The following PRKN variants were observed in gnomAD, a reference collection of about 807,000 sequenced individuals.
PRKN encodes the protein parkin RBR E3 ubiquitin protein ligase, also known as E3 ubiquitin-protein ligase parkin.
In PRKN, 56 loss-of-function variants were observed where a neutral mutation model predicts 59.5. That is an observed-to-expected ratio of 0.94 (90% CI 0.76 to 1.18). The LOEUF (loss-of-function observed/expected upper bound fraction) is 1.18, where lower values mean the gene tolerates loss of function less well. Among genes scored for constraint, PRKN ranks in the 50% most tolerant of loss-of-function variants. The probability of loss-of-function intolerance (pLI) is 0.00; values close to 1 mark genes in which losing one functional copy is unlikely to be tolerated. For synonymous variants in PRKN, 250 were observed against 222.1 expected (o/e 1.13, Z -1.12); for missense variants, 657 against 596.4 (o/e 1.10, Z -1.06).
At chr6:162,040,572 A>ATTTT (rs35272845) in intron 5 of PRKN, among the ~76,000 whole-genome samples, 8 of 113,058 alleles carry the variant, frequency 7.1e-5, no homozygotes, top group Non-Finnish European at 7.2e-5. Context: ...ATGCCCGGCT[A>ATTTT]TTTTTTTTTT....
At chr6:162,187,012 AAGG>A (rs1784061293) in intron 4 of PRKN, among the ~76,000 whole-genome samples, 1 of 152,180 alleles carries the variant, frequency 6.6e-6, no homozygotes, top group Non-Finnish European at 1.5e-5. Context: ...GATAATGTTA[AAGG>A]CTAGCTACTT....
chr6:162,475,896 C>T (rs900846667), intron 1 of PRKN, among the ~76,000 whole-genome samples: 7 of 151,786 alleles, frequency 4.6e-5, no homozygotes, highest in African/African-American at 7.3e-5. Flanking sequence ...GGATTACAGG[C>T]GCACACCACC....
At chr6:162,700,124 A>G (rs1442987821) in intron 1 of PRKN, among the ~76,000 whole-genome samples, 1 of 152,152 alleles carries the variant, frequency 6.6e-6, no homozygotes, top group African/African-American at 2.4e-5. Context: ...CCCTATGAAG[A>G]AGGGTATACA....
At chr6:161,645,809 T>C (rs1339569248) in intron 7 of PRKN, among the ~76,000 whole-genome samples, 2 of 152,248 alleles carry the variant, frequency 1.3e-5, no homozygotes, top group Non-Finnish European at 2.9e-5. Context: ...ACAGATGAAA[T>C]CATGCCAACA....
Position 161,957,409 on chromosome 6 carries a change from G to GT in PRKN, c.734+15892dup, listed in dbSNP as rs1203607451. 4.0e-4 allele frequency among the ~76,000 whole-genome samples: 51 copies of GT among 127,412 alleles called. 1 individual carries two copies. The highest frequency in any genetic ancestry group is 8.8e-4 in the East Asian group (4 of 4,554). The allele number at this position is 127,412 out of a possible 152,430, so 83.6% of individuals were successfully genotyped here. ...TTTTTATTTTTTTGTTGTTCTTGTT[G>GT]TTTTTTTTTTGTTTGTTTGTTTGTT... On this transcript the variant is annotated intron_variant, in intron 6 of 11. Coordinates refer to ENST00000366898, the MANE Select transcript of PRKN (RefSeq NM_004562.3).
At chr6:162,251,098 T>C (rs978230729) in intron 3 of PRKN, among the ~76,000 whole-genome samples, 1 of 152,186 alleles carries the variant, frequency 6.6e-6, no homozygotes, top group African/African-American at 2.4e-5. Context: ...ACAAGGTTCA[T>C]CTTGCATATG....
At chr6:161,650,173 G>C (rs911239851) in intron 7 of PRKN, among the ~76,000 whole-genome samples, 1 of 152,172 alleles carries the variant, frequency 6.6e-6, no homozygotes, top group Non-Finnish European at 1.5e-5. Flanking sequence ...CTGCTTATAT[G>C]CCTGACCCAC....
At chr6:162,160,561 A>G (rs1782709035) in intron 4 of PRKN, among the ~76,000 whole-genome samples, 1 of 152,162 alleles carries the variant, frequency 6.6e-6, no homozygotes, top group Non-Finnish European at 1.5e-5. Flanking sequence ...ACTATACCTC[A>G]GTAAAGCTAT....
intron 4 of PRKN, among the ~76,000 whole-genome samples, chr6:162,121,381 G>C (rs1281623469): frequency 6.6e-6 from 1 of 152,154 alleles, no homozygotes; most frequent in Non-Finnish European, 1.5e-5. Context: ...TACCCTCCAA[G>C]TTAAAAGGTG....
chr6:161,491,780 G>A (rs923039481), intron 9 of PRKN, among the ~76,000 whole-genome samples: 1 of 152,004 alleles, frequency 6.6e-6, no homozygotes, highest in African/African-American at 2.4e-5. Context: ...ACAGGTGCCT[G>A]CCACCATGCC....
At chr6:161,701,210 T>C (rs1004887415) in intron 7 of PRKN, among the ~76,000 whole-genome samples, 4 of 152,192 alleles carry the variant, frequency 2.6e-5, no homozygotes, top group Admixed American at 2.0e-4. Context: ...AGGAAAGAGT[T>C]CTTCCTTGGG....
At chr6:162,450,360 A>G (rs1183471283) in intron 1 of PRKN, among the ~76,000 whole-genome samples, 4 of 137,060 alleles carry the variant, frequency 2.9e-5, no homozygotes, top group Admixed American at 7.4e-5. Flanking sequence ...CTGTGAATGT[A>G]AACGCCCCTG....
chr6:162,604,942 G>C (rs1781851718), intron 1 of PRKN, among the ~76,000 whole-genome samples: 1 of 151,676 alleles, frequency 6.6e-6, no homozygotes, highest in Non-Finnish European at 1.5e-5. Context: ...GCAATAACCT[G>C]GCCTTTTACT....
intron 6 of PRKN, among the ~76,000 whole-genome samples, chr6:161,908,482 G>A (rs1778233729): frequency 6.6e-6 from 1 of 152,132 alleles, no homozygotes; most frequent in Admixed American, 6.5e-5. Flanking sequence ...AATGAATTCT[G>A]TTTGATGACA....
intron 6 of PRKN, among the ~76,000 whole-genome samples, chr6:161,837,135 A>G (rs1348848597): frequency 6.6e-6 from 1 of 152,140 alleles, no homozygotes; most frequent in Non-Finnish European, 1.5e-5. Context: ...CAGATGGAAG[A>G]AAATGTCCTG....
intron 4 of PRKN, among the ~76,000 whole-genome samples, chr6:162,155,350 A>G (rs1386537745): frequency 6.6e-6 from 1 of 152,178 alleles, no homozygotes; most frequent in African/African-American, 2.4e-5. Context: ...TCAAGGGCAA[A>G]TTAATCCTGA....
chr6:162,596,369 C>T (rs1406375383), intron 1 of PRKN, among the ~76,000 whole-genome samples: 2 of 152,068 alleles, frequency 1.3e-5, no homozygotes, highest in African/African-American at 2.4e-5. Context: ...ATTATTTTCT[C>T]GCTAATCATG....
intron 5 of PRKN, among the ~76,000 whole-genome samples, chr6:161,973,650 C>A (rs142641131): frequency 6.6e-6 from 1 of 152,062 alleles, no homozygotes. Context: ...GCTCTTTAAG[C>A]GAGGGAGCTG....
chr6:161,654,830 C>T lies in PRKN; in HGVS notation c.872-85414G>A, dbSNP rs546895299. On this transcript the variant is annotated intron_variant, in intron 7 of 11. Transcript: ENST00000366898. ...CCACAGGGGCATAACCAGCTTACCA[C>T]GCCCCCTGGGAGGGACCCTTTCAGA... Among the ~76,000 whole-genome samples the T allele has an allele frequency of 1.7e-4, 26 of 152,302 alleles. No homozygotes were observed. The South Asian group carries it at 5.2e-3, about 30-fold the overall frequency.
Sources: allele counts gnomAD v4.1 joint callset (sites outside exome capture counted in the v4.1 genomes callset), GRCh38; gene constraint gnomAD v4.1.1; transcripts MANE v1.5; gene names NCBI Gene and HGNC (gene_info 2026-07-23, HGNC 2026-07-21).